Variants in RABGEF1 observed in about 807,000 individuals in gnomAD.
RABGEF1 encodes the protein rab5 GDP/GTP exchange factor.
In RABGEF1, 26 loss-of-function variants were observed where a neutral mutation model predicts 57.3. The ratio of observed to expected loss-of-function variants is 0.45; its 90% CI spans 0.33 to 0.63. RABGEF1 has a LOEUF of 0.63. Ranked by LOEUF, RABGEF1 falls within the 20% of genes least tolerant of loss-of-function variation. The pLI is 0.02. For synonymous variants in RABGEF1, 185 were observed against 210.7 expected (o/e 0.88, Z 1.06); for missense variants, 464 against 607.6 (o/e 0.76, Z 2.48).
At chr7:66,738,782 T>C (rs1408224907), upstream of RABGEF1, among the ~76,000 whole-genome samples, 2 of 151,762 alleles carry the variant, frequency 1.3e-5, no homozygotes, top group African/African-American at 2.4e-5. Context: ...GAATGGTTTA[T>C]AGAATGGTGT....
chr7:66,808,928 T>C lies in RABGEF1; in HGVS notation c.1120T>C (p.Leu374=). ...AFIEKLDAQS[L]NLSQEDFDRY... is the part of the protein sequence containing the mutation. The stretch of plus-strand genomic sequence containing the variant: ...CATTGAGAAGCTAGACGCCCAGTCT[T>C]TGAATCTAAGTCAGGAGGATTTTGA... The change falls in exon 9 of 9, where the codon TTG becomes CTG. Residue 374 remains leucine, a synonymous_variant. Transcript: ENST00000284957. The C allele has an allele frequency of 6.2e-7, 1 of 1,611,682 alleles. No individual in the cohort carries two copies. Among genetic ancestry groups the C allele is most frequent in the Non-Finnish European group, 8.5e-7 (1 of 1,177,918 alleles).
chr7:66,699,285 TC>T (rs1206407691), intron 1 of RABGEF1, among the ~76,000 whole-genome samples: 1 of 152,170 alleles, frequency 6.6e-6, no homozygotes, highest in Non-Finnish European at 1.5e-5. Context: ...CATTCTCTGT[TC>T]CCCTAGACCG....
chr7:66,801,327 G>A (rs1467852586), intron 7 of RABGEF1, among the ~76,000 whole-genome samples: 2 of 152,092 alleles, frequency 1.3e-5, no homozygotes, highest in African/African-American at 4.8e-5. Context: ...GATAATGAGT[G>A]GTAATTACCT....
chr7:66,690,576 G>A (rs1043832583), intron 1 of RABGEF1, among the ~76,000 whole-genome samples: 1 of 151,154 alleles, frequency 6.6e-6, no homozygotes, highest in African/African-American at 2.4e-5. Flanking sequence ...TTAGCTGGGT[G>A]TGGTGTTACA....
chr7:66,809,332 C>A lies in RABGEF1; in HGVS notation c.*48C>A. 1 of 1,524,326 alleles carries A rather than the reference C, an allele frequency of 6.6e-7. No homozygotes were observed. Among genetic ancestry groups the A allele is most frequent in the South Asian group, 1.3e-5 (1 of 78,294 alleles). 94.4% of individuals were successfully genotyped at this position (1,524,326 alleles called of 1,614,324 possible). A position where few individuals can be genotyped will look rare whatever the true frequency, so the allele number is the denominator to read the frequency against. On this transcript the variant is annotated 3_prime_UTR_variant, in exon 9 of 9. Coordinates refer to ENST00000284957, the MANE Select transcript of RABGEF1 (RefSeq NM_014504.3). ...TATTTGAGCCTAAATTGTAGGTAGC[C>A]CTTACTACACTCAACTGATTGGGAT... is the stretch of plus-strand genomic sequence containing the variant.
upstream of RABGEF1, among the ~76,000 whole-genome samples, chr7:66,738,868 A>G (rs1287370188): frequency 6.6e-6 from 1 of 152,182 alleles, no homozygotes; most frequent in African/African-American, 2.4e-5. Context: ...GGTAATAGCA[A>G]TTACCACCAT....
At chr7:66,754,633 T>C (rs930849083) in intron 1 of RABGEF1, among the ~76,000 whole-genome samples, 1 of 152,070 alleles carries the variant, frequency 6.6e-6, no homozygotes, top group Non-Finnish European at 1.5e-5. Context: ...CTGGATGTCA[T>C]TTACATATGT....
rs533182455 is a variant in RABGEF1, at chr7:66,803,235, G to A, written c.821-1905G>A. Among the ~76,000 whole-genome samples the A allele has an allele frequency of 3.3e-5, 5 of 152,330 alleles. No homozygotes were observed. In the South Asian group the frequency reaches 1.0e-3, roughly 32 times the overall value. On this transcript the variant is annotated intron_variant, in intron 7 of 8. Coordinates refer to ENST00000284957, the MANE Select transcript of RABGEF1 (RefSeq NM_014504.3). ...TAAAATAATGCCTGTGCACTGCCTA[G>A]CACATCTGTCCCCCACACGTTGTCT...
At chr7:66,708,426 T>G (rs1206713866) in intron 1 of RABGEF1, among the ~76,000 whole-genome samples, 1 of 152,118 alleles carries the variant, frequency 6.6e-6, no homozygotes, top group Non-Finnish European at 1.5e-5. Context: ...TAGCTGGGAT[T>G]CTAGGCTTGC....
At chr7:66,655,108 G>T in the RABGEF1 span, among the ~76,000 whole-genome samples, 3 of 152,346 alleles carry the variant, frequency 2.0e-5, no homozygotes, top group Non-Finnish European at 2.9e-5. Flanking sequence ...CGACAGGGGC[G>T]CCGGGACTTG....
intron 7 of RABGEF1, among the ~76,000 whole-genome samples, chr7:66,802,302 C>T (rs1787473761): frequency 6.6e-6 from 1 of 152,200 alleles, no homozygotes; most frequent in African/African-American, 2.4e-5. Flanking sequence ...TTCCCTACAA[C>T]AAAGAATTAT....
At chr7:66,720,063 A>G (rs1338699936) in intron 2 of RABGEF1, among the ~76,000 whole-genome samples, 1 of 152,162 alleles carries the variant, frequency 6.6e-6, no homozygotes, top group Non-Finnish European at 1.5e-5. Flanking sequence ...ACAAAAACAA[A>G]AATAAGTCAA....
At chr7:66,710,428 G>A (rs376526680) in intron 1 of RABGEF1, among the ~76,000 whole-genome samples, 1 of 152,180 alleles carries the variant, frequency 6.6e-6, no homozygotes, top group African/African-American at 2.4e-5. Flanking sequence ...TCATCTGGTA[G>A]GTATATATTT....
At chr7:66,767,359 G>T (rs1462898258) in intron 1 of RABGEF1, among the ~76,000 whole-genome samples, 2 of 151,962 alleles carry the variant, frequency 1.3e-5, no homozygotes. Context: ...GAGTATAATG[G>T]TCTGCGAATT....
rs1314225431 is a variant in RABGEF1 at position 66,735,728 on chromosome 7, G to A, written c.-814-4268G>A. ...GCTATGGCCATGTGAAGACGTGCCT[G>A]CTTTTCCTTCATCCTTCTGCCATGA... is the stretch of plus-strand genomic sequence containing the variant. On this transcript the variant is annotated intron_variant and NMD_transcript_variant, in intron 2 of 9. Transcript: ENST00000607882. Among the ~76,000 whole-genome samples, 4 of 152,136 alleles carry A rather than the reference G, an allele frequency of 2.6e-5. No homozygotes were observed. In the East Asian group the frequency reaches 5.8e-4, roughly 22 times the overall value.
At chr7:66,735,633 G>A (rs142678717) in intron 2 of RABGEF1, among the ~76,000 whole-genome samples, 178 of 152,264 alleles carry the variant, frequency 1.2e-3, no homozygotes, top group African/African-American at 3.9e-3. Context: ...TCTCGTGATG[G>A]TGAGTGAGTT....
intron 1 of RABGEF1, among the ~76,000 whole-genome samples, chr7:66,702,098 T>C (rs979327274): frequency 6.6e-6 from 1 of 152,208 alleles, no homozygotes; most frequent in Non-Finnish European, 1.5e-5. Flanking sequence ...CTAATCCACT[T>C]TCTGTCTATA....
intron 6 of RABGEF1, 27 bp downstream of exon 6, chr7:66,797,533 T>C (rs2129175838): frequency 6.3e-7 from 1 of 1,599,458 alleles, no homozygotes; most frequent in Middle Eastern, 1.8e-4. Context: ...TTTTGCTTTG[T>C]AGTTACTACC....
At chr7:66,735,685 T>G (rs371852139) in intron 2 of RABGEF1, among the ~76,000 whole-genome samples, 2 of 151,970 alleles carry the variant, frequency 1.3e-5, no homozygotes, top group South Asian at 4.2e-4. Context: ...CACCTCCCCC[T>G]CTCTCTCTCT....
Sources: allele counts gnomAD v4.1 joint callset (sites outside exome capture counted in the v4.1 genomes callset), GRCh38; gene constraint gnomAD v4.1.1; transcripts MANE v1.5; gene names NCBI Gene and HGNC (gene_info 2026-07-23, HGNC 2026-07-21).